Variants in CDC42EP3 observed in about 807,000 individuals in gnomAD.
CDC42EP3 encodes the protein CDC42 effector protein (Rho GTPase binding) 3.
In CDC42EP3, 4 loss-of-function variants were observed where a neutral mutation model predicts 15.5. The ratio of observed to expected loss-of-function variants is 0.26; its 90% confidence interval spans 0.13 to 0.59. CDC42EP3 has a LOEUF of 0.59. Ranked by LOEUF, CDC42EP3 falls within the 20% of genes least tolerant of loss-of-function variation. CDC42EP3 has a pLI of 0.89. For missense variants in CDC42EP3, 309 were observed against 311.2 expected (o/e 0.99, Z 0.05); for synonymous variants, 145 against 130.3 (o/e 1.11, Z -0.77).
In CDC42EP3 at chr2:37,645,795, A is replaced by G; in HGVS notation, c.*28T>C. The G allele has an allele frequency of 6.6e-7, 1 of 1,504,660 alleles. No individual in the cohort carries two copies. The highest frequency in any genetic ancestry group is 1.4e-5 in the African/African-American group (1 of 71,566). 93.2% of individuals were successfully genotyped at this position (1,504,660 alleles called of 1,614,324 possible). A position where few individuals can be genotyped will look rare whatever the true frequency, so the allele number is the denominator to read the frequency against. Reference sequence around the variant, plus strand: ...TGGTTAGTTTGTTTTTGTACCTTTTACCCCAAAGGAAAAAAGTTGGCATCT... The same window carrying G: ...TGGTTAGTTTGTTTTTGTACCTTTTGCCCCAAAGGAAAAAAGTTGGCATCT... On this transcript the variant is annotated 3_prime_UTR_variant, in exon 2 of 2. Coordinates refer to ENST00000295324, the MANE Select transcript of CDC42EP3 (RefSeq NM_006449.5).
intron 1 of CDC42EP3, among the ~76,000 whole-genome samples, chr2:37,665,978 C>T (rs1220850421): frequency 1.3e-5 from 2 of 152,122 alleles, no homozygotes; most frequent in Non-Finnish European, 2.9e-5. Flanking sequence ...AGAGCTAAGA[C>T]CAGAATTGGT....
intron 1 of CDC42EP3, among the ~76,000 whole-genome samples, chr2:37,668,409 T>C (rs1383582116): frequency 6.6e-6 from 1 of 152,238 alleles, no homozygotes; most frequent in Non-Finnish European, 1.5e-5. Context: ...TTAACTCCTT[T>C]AATCCTCAGG....
At chr2:37,660,054 T>A (rs1442520393) in intron 1 of CDC42EP3, among the ~76,000 whole-genome samples, 1 of 152,160 alleles carries the variant, frequency 6.6e-6, no homozygotes, top group Non-Finnish European at 1.5e-5. Context: ...CCAAACTTTA[T>A]AATAACCACA....
chr2:37,650,135 G>C (rs564000048), intron 1 of CDC42EP3, among the ~76,000 whole-genome samples: 164 of 152,282 alleles, frequency 1.1e-3, no homozygotes, highest in Middle Eastern at 3.4e-3. Context: ...TGGCAGCTCT[G>C]ATCTAGTCCT....
intron 1 of CDC42EP3, among the ~76,000 whole-genome samples, chr2:37,650,097 T>C (rs866236065): frequency 1.3e-5 from 2 of 152,232 alleles, no homozygotes; most frequent in African/African-American, 2.4e-5. Context: ...TCTAGGTAAG[T>C]TGACGTTTGT....
intron 1 of CDC42EP3, among the ~76,000 whole-genome samples, chr2:37,670,573 C>T (rs113362131): frequency 7.1e-4 from 107 of 151,766 alleles, no homozygotes; most frequent in Non-Finnish European, 1.3e-3. Context: ...AACACAGCTG[C>T]GCTCCCGGCT....
At position 37,645,667 on chromosome 2, in the gene CDC42EP3, C is replaced by T. The variant is rs1441197257; in HGVS notation, c.*156G>A. On this transcript the variant is annotated 3_prime_UTR_variant, in exon 2 of 2. Transcript: ENST00000295324. ...GTTGTTTTTTTCTAAATTGTTTTTG[C>T]AAACAGGGCATAACAGGTAAAAAAA... The T allele has an allele frequency of 1.7e-6, 1 of 574,708 alleles. No individual in the cohort carries two copies. The highest frequency in any genetic ancestry group is 3.0e-5 in the East Asian group (1 of 33,542). The allele number at this position is 574,708 out of a possible 1,614,324, so 35.6% of individuals were successfully genotyped here.
At chr2:37,660,802 A>G (rs1666033119) in intron 1 of CDC42EP3, among the ~76,000 whole-genome samples, 1 of 149,434 alleles carries the variant, frequency 6.7e-6, no homozygotes, top group Admixed American at 6.7e-5. Flanking sequence ...AAAAAAAAAA[A>G]TGGAATGAAC....
rs1665352995 is a variant in CDC42EP3 at position 37,643,943 on chromosome 2, A to G, written c.*1880T>C. ...TGTGGCCCGCATGAAGTCCAACACA[A>G]ATTTTTAAACTTTCTTAAAACAGTC... On this transcript the variant is annotated 3_prime_UTR_variant, in exon 2 of 2. Coordinates refer to ENST00000295324, the MANE Select transcript of CDC42EP3 (RefSeq NM_006449.5). The G allele has an allele frequency of 6.6e-6, 1 of 151,936 alleles. No homozygotes were observed. Among genetic ancestry groups the G allele is most frequent in the South Asian group, 2.1e-4 (1 of 4,814 alleles). 9.4% of individuals were successfully genotyped at this position (151,936 alleles called of 1,614,324 possible). A position where few individuals can be genotyped will look rare whatever the true frequency, so the allele number is the denominator to read the frequency against.
intron 1 of CDC42EP3, among the ~76,000 whole-genome samples, chr2:37,665,529 A>G (rs959169555): frequency 6.6e-6 from 1 of 152,244 alleles, no homozygotes; most frequent in Non-Finnish European, 1.5e-5. Flanking sequence ...GCCACATTTC[A>G]CCAAAAATGC....
chr2:37,659,429 T>A (rs372048400), intron 1 of CDC42EP3, among the ~76,000 whole-genome samples: 13 of 152,220 alleles, frequency 8.5e-5, no homozygotes, highest in African/African-American at 3.1e-4. Context: ...TAACAGTGTA[T>A]CAATGCAAGC....
At chr2:37,651,819 C>A (rs1665690084) in intron 1 of CDC42EP3, among the ~76,000 whole-genome samples, 1 of 152,164 alleles carries the variant, frequency 6.6e-6, no homozygotes, top group South Asian at 2.1e-4. Context: ...CACAGATAAC[C>A]TTTGATGATG....
rs1315558987 is a variant in CDC42EP3 at position 37,661,057 on chromosome 2, G to T, written c.-236+10369C>A. On this transcript the variant is annotated intron_variant, in intron 1 of 1. Transcript: ENST00000295324. ...TGAAAACCTTGTGAAAAACTATAGG[G>T]AGTAGTATGTATGTATGCATATGTA... is the stretch of plus-strand genomic sequence containing the variant. 2.6e-5 allele frequency among the ~76,000 whole-genome samples: 4 copies of T among 152,038 alleles called. No individual in the cohort carries two copies. In the East Asian group the frequency reaches 7.7e-4, roughly 29 times the overall value.
At chr2:37,668,353 T>C (rs187531499) in intron 1 of CDC42EP3, among the ~76,000 whole-genome samples, 29 of 152,362 alleles carry the variant, frequency 1.9e-4, no homozygotes, top group African/African-American at 7.0e-4. Flanking sequence ...CAACCTTTTA[T>C]TGTGGCTACT....
chr2:37,658,592 C>T (rs1665957271), intron 1 of CDC42EP3, among the ~76,000 whole-genome samples: 1 of 152,164 alleles, frequency 6.6e-6, no homozygotes, highest in Non-Finnish European at 1.5e-5. Context: ...TCTTTCTTCC[C>T]CCTGCCTGCC....
chr2:37,659,335 T>G (rs185516693), intron 1 of CDC42EP3, among the ~76,000 whole-genome samples: 1 of 152,358 alleles, frequency 6.6e-6, no homozygotes, highest in Non-Finnish European at 1.5e-5. Context: ...CAAGAAGCTG[T>G]CTCCTCTTTT....
rs558437668 is a variant in CDC42EP3, at chr2:37,651,189, G to A, written c.-235-4367C>T. Among the ~76,000 whole-genome samples the A allele has an allele frequency of 2.0e-5, 3 of 152,322 alleles. No individual in the cohort carries two copies. In the East Asian group the frequency reaches 5.8e-4, roughly 29 times the overall value. ...ATATTTGTACTGGCTTATCTATAGA[G>A]TATTTCTGGAAACACACAAGTAATA... On this transcript the variant is annotated intron_variant, in intron 1 of 1. Coordinates refer to ENST00000295324, the MANE Select transcript of CDC42EP3 (RefSeq NM_006449.5).
chr2:37,656,425 G>C (rs1665846629), intron 1 of CDC42EP3, among the ~76,000 whole-genome samples: 1 of 152,192 alleles, frequency 6.6e-6, no homozygotes, highest in South Asian at 2.1e-4. Flanking sequence ...TCCATCATGA[G>C]AGCCAGGTTG....
intron 1 of CDC42EP3, among the ~76,000 whole-genome samples, chr2:37,660,374 TC>T (rs1341862322): frequency 6.6e-6 from 1 of 152,210 alleles, no homozygotes; most frequent in Admixed American, 6.5e-5. Context: ...GGCTATCTTC[TC>T]ATTCACACCT....
Sources: allele counts gnomAD v4.1 joint callset (sites outside exome capture counted in the v4.1 genomes callset), GRCh38; gene constraint gnomAD v4.1.1; transcripts MANE v1.5; gene names NCBI Gene and HGNC (gene_info 2026-07-23, HGNC 2026-07-21).